The following PHLPP1 variants were observed in gnomAD, a reference collection of about 807,000 sequenced individuals.
The protein encoded by PHLPP1 is PH domain and leucine rich repeat protein phosphatase 1.
Under a neutral mutation model 117.2 loss-of-function variants are expected in PHLPP1, and 42 were observed. The ratio of observed to expected loss-of-function variants is 0.36; its 90% confidence interval spans 0.28 to 0.46. The LOEUF (loss-of-function observed/expected upper bound fraction) is 0.46, where lower values mean the gene tolerates loss of function less well. Ranked by LOEUF, PHLPP1 falls within the 20% of genes least tolerant of loss-of-function variation. The pLI is 1.00. For synonymous variants in PHLPP1, 1,042 were observed against 970.7 expected (o/e 1.07, Z -1.37); for missense variants, 2,084 against 2,241.9 (o/e 0.93, Z 1.42).
At chr18:62,902,921 A>T in intron 6 of PHLPP1, 43 bp from the exon 7 acceptor site, 1 of 1,188,910 alleles carries the variant, frequency 8.4e-7, no homozygotes, top group Non-Finnish European at 1.2e-6. Flanking sequence ...ATTTACTTAT[A>T]GCATTGCAGT....
In PHLPP1 at chr18:62,917,795, C is replaced by T. The variant is rs1040010879; in HGVS notation, c.2805-2164C>T. ...CATCACTGCACTCCAGCCTGGGCAA[C>T]GGAGCTGAGACCCTGCCTCTTAAAA... is the stretch of plus-strand genomic sequence containing the variant. On this transcript the variant is annotated intron_variant, in intron 9 of 16. Transcript: ENST00000262719. 2.7e-5 allele frequency among the ~76,000 whole-genome samples: 4 copies of T among 150,716 alleles called. No homozygotes were observed. In the East Asian group the frequency reaches 5.8e-4, roughly 22 times the overall value.
chr18:62,745,300 C>T (rs1224456477), intron 1 of PHLPP1, among the ~76,000 whole-genome samples: 1 of 152,070 alleles, frequency 6.6e-6, no homozygotes, highest in Admixed American at 6.5e-5. Context: ...ATTAAGAGAA[C>T]AGGAAAAGTA....
intron 1 of PHLPP1, among the ~76,000 whole-genome samples, chr18:62,820,656 T>C (rs1914424766): frequency 6.6e-6 from 1 of 152,218 alleles, no homozygotes; most frequent in African/African-American, 2.4e-5. Flanking sequence ...TTGCTTCCCC[T>C]TCTACCATGA....
At chr18:62,889,249 G>C (rs1009651491) in intron 4 of PHLPP1, among the ~76,000 whole-genome samples, 1 of 152,164 alleles carries the variant, frequency 6.6e-6, no homozygotes, top group Non-Finnish European at 1.5e-5. Flanking sequence ...GAATGCAAAG[G>C]GGGTGGGGAA....
intron 1 of PHLPP1, among the ~76,000 whole-genome samples, chr18:62,822,332 A>G (rs1180805315): frequency 8.1e-6 from 1 of 124,198 alleles, no homozygotes; most frequent in African/African-American, 3.0e-5. Context: ...TCCAGGCTGG[A>G]GTGCAGTGGC....
At chr18:62,771,467 C>T (rs1379818795) in intron 1 of PHLPP1, among the ~76,000 whole-genome samples, 2 of 152,154 alleles carry the variant, frequency 1.3e-5, no homozygotes, top group Admixed American at 6.5e-5. Context: ...ATTACCTGTA[C>T]CATCTGTTAA....
chr18:62,882,015 C>A lies in PHLPP1; in HGVS notation c.2067-12996C>A, dbSNP rs1000897830. Among the ~76,000 whole-genome samples, 5 of 152,266 alleles carry A rather than the reference C, an allele frequency of 3.3e-5. No individual in the cohort carries two copies. In the East Asian group the frequency reaches 9.6e-4, roughly 29 times the overall value. Reference sequence around the variant, plus strand: ...AAAGGAACATGGGGCAAAAGGTGTTCCTTCCTTTCCTCATCCAGGAAAGAC... The same window carrying A: ...AAAGGAACATGGGGCAAAAGGTGTTACTTCCTTTCCTCATCCAGGAAAGAC... On this transcript the variant is annotated intron_variant, in intron 4 of 16. Coordinates refer to ENST00000262719, the MANE Select transcript of PHLPP1 (RefSeq NM_194449.4).
rs577181570 is a variant in PHLPP1 at position 62,837,181 on chromosome 18, A to G, written c.1774-1603A>G. Among the ~76,000 whole-genome samples, 3 of 152,146 alleles carry G rather than the reference A, an allele frequency of 2.0e-5. No homozygotes were observed. The South Asian group carries it at 6.2e-4, about 32-fold the overall frequency. ...TTGTTTTTCTGTTTTTTGTAGAGAT[A>G]AGGTTTTGCCATGTTGCACAGGTTG... On this transcript the variant is annotated intron_variant, in intron 2 of 16. Coordinates refer to ENST00000262719, the MANE Select transcript of PHLPP1 (RefSeq NM_194449.4).
intron 4 of PHLPP1, among the ~76,000 whole-genome samples, chr18:62,893,368 G>T (rs1324257744): frequency 6.6e-6 from 1 of 152,158 alleles, no homozygotes; most frequent in Admixed American, 6.5e-5. Context: ...CTTTAAGAAG[G>T]CCTAACGGCC....
At chr18:62,828,560 G>T (rs776178955) in intron 1 of PHLPP1, among the ~76,000 whole-genome samples, 8 of 152,148 alleles carry the variant, frequency 5.3e-5, no homozygotes, top group Non-Finnish European at 1.2e-4. Flanking sequence ...ATTTTGATAT[G>T]GGAGAAAGAA....
At chr18:62,811,801 G>A (rs1370092487) in intron 1 of PHLPP1, among the ~76,000 whole-genome samples, 1 of 152,124 alleles carries the variant, frequency 6.6e-6, no homozygotes, top group Non-Finnish European at 1.5e-5. Context: ...GTATTTTTCT[G>A]ATGTCATGTC....
chr18:62,752,678 CT>C (rs916362590), intron 1 of PHLPP1, among the ~76,000 whole-genome samples: 2 of 152,190 alleles, frequency 1.3e-5, no homozygotes, highest in Non-Finnish European at 2.9e-5. Context: ...GAAGCTTGAT[CT>C]TGTTGCGTTT....
chr18:62,720,646 G>C (rs1394614596), intron 1 of PHLPP1, among the ~76,000 whole-genome samples: 2 of 152,102 alleles, frequency 1.3e-5, no homozygotes, highest in Non-Finnish European at 2.9e-5. Context: ...AACGCGGTTC[G>C]AACGTGTGAC....
intron 1 of PHLPP1, among the ~76,000 whole-genome samples, chr18:62,738,446 G>A (rs1034163807): frequency 4.6e-5 from 7 of 152,094 alleles, no homozygotes; most frequent in African/African-American, 1.2e-4. Context: ...TTTACATAGC[G>A]TTTACATTGT....
intron 10 of PHLPP1, 58 bp from the exon 11 acceptor site, chr18:62,941,660 G>C: frequency 7.7e-7 from 1 of 1,292,938 alleles, no homozygotes. Flanking sequence ...AAGCTTTTAG[G>C]TTTCTTGAGG....
intron 4 of PHLPP1, among the ~76,000 whole-genome samples, chr18:62,884,918 G>A (rs1325843429): frequency 2.0e-5 from 3 of 152,142 alleles, no homozygotes; most frequent in Non-Finnish European, 4.4e-5. Flanking sequence ...TATGTCCCTA[G>A]TTCCTGGAAG....
chr18:62,957,153 C>T (rs891849410), intron 12 of PHLPP1, among the ~76,000 whole-genome samples: 1 of 152,150 alleles, frequency 6.6e-6, no homozygotes, highest in African/African-American at 2.4e-5. Flanking sequence ...TATATATATT[C>T]TGCATTGTTG....
intron 10 of PHLPP1, among the ~76,000 whole-genome samples, chr18:62,934,332 C>T (rs1009801087): frequency 2.0e-5 from 3 of 152,012 alleles, no homozygotes; most frequent in African/African-American, 4.8e-5. Flanking sequence ...ATGTACCCGT[C>T]GGTGGTGAAT....
In PHLPP1 at chr18:62,945,192, G is replaced by T. The variant is rs1383828880; in HGVS notation, c.3245G>T (p.Cys1082Phe). The stretch of plus-strand genomic sequence containing the variant: ...GCCATCCCAACAACGATCATGAATT[G>T]CAGGCGCATGCACACCGTGATTGCT... Reference protein sequence around the residue: ...LKAIPTTIMNCRRMHTVIAHS... With the variant: ...LKAIPTTIMNFRRMHTVIAHS... Residue 1082 changes from cysteine to phenylalanine, a missense_variant, in exon 12 of 17, where the codon TGC (cysteine) becomes TTC (phenylalanine). Cys to Phe is a radical substitution (Grantham distance 205, BLOSUM62 -2). Transcript: ENST00000262719. The T allele has an allele frequency of 9.9e-6, 16 of 1,613,214 alleles. No homozygotes were observed. In the East Asian group the frequency reaches 3.6e-4, roughly 36 times the overall value.
Sources: allele counts gnomAD v4.1 joint callset (sites outside exome capture counted in the v4.1 genomes callset), GRCh38; gene constraint gnomAD v4.1.1; transcripts MANE v1.5; gene names NCBI Gene and HGNC (gene_info 2026-07-23, HGNC 2026-07-21).